TBC1D5: variants seen among roughly 807,000 people sequenced by gnomAD.
The protein encoded by TBC1D5 is TBC1 domain family, member 5.
Under a neutral mutation model 100.3 loss-of-function variants are expected in TBC1D5, and 75 were observed. The observed-to-expected ratio is 0.75, with a 90% CI of 0.62 to 0.91. TBC1D5 has a LOEUF of 0.91. Among genes scored for constraint, TBC1D5 ranks in the 40% least tolerant of loss-of-function variants. TBC1D5 has a pLI of 0.00. For synonymous variants in TBC1D5, 323 were observed against 325.6 expected, an observed-to-expected ratio of 0.99 and a Z score of 0.09; for missense variants, 910 against 942.4, an observed-to-expected ratio of 0.97 and a Z score of 0.45.
At chr3:17,409,215 T>G (rs2093855642) in intron 4 of TBC1D5, among the ~76,000 whole-genome samples, 1 of 152,204 alleles carries the variant, frequency 6.6e-6, no homozygotes, top group Non-Finnish European at 1.5e-5. Context: ...TTGATAATCT[T>G]CACAATATTT....
Position 17,294,195 on chromosome 3 carries a change from CATTTATTTATTT to C in TBC1D5, c.1139-2206_1139-2195del, listed in dbSNP as rs35808278. On this transcript the variant is annotated intron_variant, in intron 14 of 21. Coordinates refer to ENST00000253692, the Ensembl canonical transcript of TBC1D5. The stretch of plus-strand genomic sequence containing the variant: ...AGAAAAGCTTGATTGATTGACTAAT[CATTTATTTATTT>C]ATTTATTTATTTATTTACTATGTGT... 4.4e-4 allele frequency among the ~76,000 whole-genome samples: 66 copies of C among 150,592 alleles called. 2 individuals are homozygous for C. The highest frequency in any genetic ancestry group is 3.4e-3 in the Middle Eastern group (1 of 292).
intron 4 of TBC1D5, among the ~76,000 whole-genome samples, chr3:17,410,496 A>G (rs541885229): frequency 1.3e-5 from 2 of 152,298 alleles, no homozygotes; most frequent in Non-Finnish European, 2.9e-5. Flanking sequence ...TACAGCTGCC[A>G]TATGATAGTG....
intron 2 of TBC1D5, among the ~76,000 whole-genome samples, chr3:17,594,151 T>C (rs1246649340): frequency 1.3e-5 from 2 of 152,238 alleles, no homozygotes; most frequent in African/African-American, 4.8e-5. Flanking sequence ...GGGCACCTCC[T>C]ACCTTTAAGC....
intron 15 of TBC1D5, among the ~76,000 whole-genome samples, chr3:17,288,805 A>T (rs747554643): frequency 5.3e-5 from 8 of 152,168 alleles, no homozygotes; most frequent in Admixed American, 2.0e-4. Context: ...AGAAGTAGGG[A>T]TCCACTGAAC....
At chr3:17,471,873 G>A (rs575983143) in intron 3 of TBC1D5, among the ~76,000 whole-genome samples, 4 of 152,008 alleles carry the variant, frequency 2.6e-5, no homozygotes, top group Non-Finnish European at 4.4e-5. Flanking sequence ...TCCTTTCTAC[G>A]ACAGAGATAA....
intron 3 of TBC1D5, among the ~76,000 whole-genome samples, chr3:17,463,388 C>G (rs1190670073): frequency 6.6e-6 from 1 of 152,130 alleles, no homozygotes; most frequent in African/African-American, 2.4e-5. Context: ...CTCCAATTAT[C>G]TAAGACCCTA....
intron 17 of TBC1D5, among the ~76,000 whole-genome samples, chr3:17,230,596 T>A (rs1439036901): frequency 6.6e-6 from 1 of 152,152 alleles, no homozygotes. Context: ...AGTTTTTTTT[T>A]AACCTTTTTA....
intron 13 of TBC1D5, among the ~76,000 whole-genome samples, chr3:17,317,083 C>T (rs1009693408): frequency 4.6e-5 from 7 of 152,256 alleles, no homozygotes; most frequent in South Asian, 2.1e-4. Flanking sequence ...GCCCCCTCCA[C>T]GCTAAATCCC....
intron 16 of TBC1D5, among the ~76,000 whole-genome samples, chr3:17,253,286 G>A (rs2077328539): frequency 1.3e-5 from 2 of 152,050 alleles, no homozygotes; most frequent in African/African-American, 2.4e-5. Context: ...GTAATTTGTT[G>A]ATCAGAATTT....
chr3:17,621,134 A>G (rs1043450892), intron 2 of TBC1D5, among the ~76,000 whole-genome samples: 2 of 152,250 alleles, frequency 1.3e-5, no homozygotes, highest in Admixed American at 1.3e-4. Flanking sequence ...AGCAAGCAAG[A>G]AACCTGTGTG....
At chr3:17,693,490 A>C (rs2071490845) in intron 1 of TBC1D5, among the ~76,000 whole-genome samples, 1 of 152,208 alleles carries the variant, frequency 6.6e-6, no homozygotes, top group Non-Finnish European at 1.5e-5. Context: ...CTAGCGCAGC[A>C]GTCTGAGATT....
rs1455898369 is a variant in TBC1D5 at position 17,233,760 on chromosome 3, A to G, written c.1588+4403T>C. Reference sequence around the variant, plus strand: ...CCTGTAACTACATCGCCTGGATTTCATAAGAAAAAATAATTAGATTTCATA... The same window carrying G: ...CCTGTAACTACATCGCCTGGATTTCGTAAGAAAAAATAATTAGATTTCATA... On this transcript the variant is annotated intron_variant, in intron 17 of 21. Coordinates refer to ENST00000253692, the Ensembl canonical transcript of TBC1D5. The G allele has an allele frequency of 1.3e-6, 2 of 1,519,380 alleles. No homozygotes were observed. The highest frequency in any genetic ancestry group is 1.8e-6 in the Non-Finnish European group (2 of 1,122,704). The allele number at this position is 1,519,380 out of a possible 1,614,324, so 94.1% of individuals were successfully genotyped here. A position where few individuals can be genotyped will look rare whatever the true frequency, so the allele number is the denominator to read the frequency against.
intron 2 of TBC1D5, among the ~76,000 whole-genome samples, chr3:17,513,677 G>A (rs566250697): frequency 6.0e-4 from 91 of 152,282 alleles, no homozygotes; most frequent in Non-Finnish European, 1.0e-3. Context: ...ACACTGAAAT[G>A]ATATAGTATT....
chr3:17,227,566 G>A (rs1248762921), intron 17 of TBC1D5, among the ~76,000 whole-genome samples: 1 of 151,924 alleles, frequency 6.6e-6, no homozygotes, highest in Non-Finnish European at 1.5e-5. Context: ...GATGGAGCTG[G>A]GGGCCATTAT....
intron 1 of TBC1D5, among the ~76,000 whole-genome samples, chr3:17,699,043 G>A (rs1396157327): frequency 1.3e-5 from 2 of 151,626 alleles, no homozygotes; most frequent in African/African-American, 2.4e-5. Context: ...CCATTACTGG[G>A]TATATGCCCA....
chr3:17,268,497 T>A (rs1236374749), intron 15 of TBC1D5, among the ~76,000 whole-genome samples: 2 of 152,100 alleles, frequency 1.3e-5, no homozygotes, highest in Non-Finnish European at 2.9e-5. Flanking sequence ...AGTTGTAATA[T>A]ACTCACATGT....
chr3:17,636,990 T>TA (rs961282692), intron 1 of TBC1D5, among the ~76,000 whole-genome samples: 1 of 151,602 alleles, frequency 6.6e-6, no homozygotes, highest in Non-Finnish European at 1.5e-5. Context: ...GCCAAATGGA[T>TA]AAAAAATTTA....
chr3:17,643,960 G>A (rs1218162820), intron 1 of TBC1D5: 6 of 152,190 alleles, frequency 3.9e-5, no homozygotes, highest in East Asian at 3.9e-4. Flanking sequence ...CCAAAACAAC[G>A]AGGATAGCAA....
chr3:17,523,899 A>C (rs1282324352), intron 2 of TBC1D5, among the ~76,000 whole-genome samples: 1 of 152,192 alleles, frequency 6.6e-6, no homozygotes, highest in Admixed American at 6.5e-5. Flanking sequence ...TTATCTGTGT[A>C]TATTTGTGTT....
Sources: gnomAD v4.1 joint callset for allele counts (sites outside exome capture counted in the v4.1 genomes callset) on GRCh38, gnomAD v4.1.1 for gene constraint, MANE v1.5 for transcripts, NCBI Gene and HGNC (gene_info 2026-07-23, HGNC 2026-07-21) for gene names.